Variants in NR4A3 observed in about 807,000 individuals in gnomAD.
NR4A3 encodes the protein chondrosarcoma, extraskeletal myxoid, fused to EWS.
A neutral mutation model predicts 55.6 loss-of-function variants in NR4A3; 13 were observed. That is an observed-to-expected ratio of 0.23 (90% CI 0.15 to 0.37). NR4A3 has a LOEUF of 0.37. NR4A3 is among the 10% of genes least tolerant of loss of function. The pLI is 1.00. For synonymous variants in NR4A3, 342 were observed against 357.9 expected, an observed-to-expected ratio of 0.96 and a Z score of 0.50; for missense variants, 646 against 822.8, an observed-to-expected ratio of 0.79 and a Z score of 2.63.
Position 99,865,639 on chromosome 9 carries a change from A to C in NR4A3, c.*1772A>C, listed in dbSNP as rs1398795362. On this transcript the variant is annotated 3_prime_UTR_variant, in exon 8 of 8. Coordinates refer to ENST00000395097, the MANE Select transcript of NR4A3 (RefSeq NM_006981.4). This position sits in a 1 kb window ranked among gnomAD's most constrained non-coding sequence, Gnocchi z 4.3. ...GTTAGCTTTAAATCATTTTTGCTTT[A>C]GTCTTTTTAAAGGAAAATAACAAAA... 2 of 192,004 alleles carry C rather than the reference A, an allele frequency of 1.0e-5. No homozygotes were observed. Among genetic ancestry groups the C allele is most frequent in the Non-Finnish European group, 2.2e-5 (2 of 91,534 alleles). The allele number at this position is 192,004 out of a possible 1,614,324, so 11.9% of individuals were successfully genotyped here.
Position 99,828,921 on chromosome 9 carries a change from C to T in NR4A3, c.879C>T (p.Ala293=), listed in dbSNP as rs1000332340. The T allele has an allele frequency of 6.8e-7, 1 of 1,473,402 alleles. No individual in the cohort carries two copies. The highest frequency in any genetic ancestry group is 9.0e-7 in the Non-Finnish European group (1 of 1,115,346). The allele number at this position is 1,473,402 out of a possible 1,614,324, so 91.3% of individuals were successfully genotyped here. ...RSSSSGEGTC[A]VCGDNAACQH... is the part of the protein sequence containing the mutation. ...CGTCGTCTGGCGAGGGCACGTGTGC[C>T]GTGTGCGGGGACAACGCCGCCTGCC... is the stretch of plus-strand genomic sequence containing the variant. The change falls in exon 3 of 8, where the codon GCC becomes GCT. Residue 293 remains alanine, a synonymous_variant. Transcript: ENST00000395097. The surrounding 1 kb of genome is among the most constrained non-coding windows in gnomAD (Gnocchi z 7.7).
intron 7 of NR4A3, among the ~76,000 whole-genome samples, chr9:99,860,306 A>C (rs1300040207): frequency 6.6e-6 from 1 of 151,740 alleles, no homozygotes; most frequent in African/African-American, 2.4e-5. Context: ...TTTACTTAAC[A>C]GTTCCCCTAT....
At chr9:99,863,229 G>A (rs998288133) in intron 7 of NR4A3, among the ~76,000 whole-genome samples, 6 of 152,160 alleles carry the variant, frequency 3.9e-5, no homozygotes, top group Non-Finnish European at 2.9e-5. Flanking sequence ...AGCTTAGTAG[G>A]ATAATGTATG....
chr9:99,840,451 C>G (rs1372397194), intron 5 of NR4A3, among the ~76,000 whole-genome samples: 2 of 152,204 alleles, frequency 1.3e-5, no homozygotes, highest in Non-Finnish European at 2.9e-5. Flanking sequence ...GCTGTCAGAT[C>G]CATTCTCAGG....
At chr9:99,842,636 C>T (rs1357995048) in intron 5 of NR4A3, among the ~76,000 whole-genome samples, 1 of 151,994 alleles carries the variant, frequency 6.6e-6, no homozygotes. Context: ...GAGGCTGAGG[C>T]ACGGAATCGC....
chr9:99,845,091 C>T (rs559193352), intron 6 of NR4A3, among the ~76,000 whole-genome samples: 20 of 152,240 alleles, frequency 1.3e-4, no homozygotes, highest in Non-Finnish European at 2.6e-4. Flanking sequence ...ACTTGCCTGA[C>T]GGGAAGTTCA....
chr9:99,828,659 C>T lies in NR4A3; in HGVS notation c.617C>T (p.Ala206Val). ...SPPHPPAPSP[A>V]GGHHLGYDPT... ...CCGCATCCCCCCGCGCCCAGCCCGG[C>T]CGGCGGCCACCACCTCGGCTACGAC... is the stretch of plus-strand genomic sequence containing the variant. The change falls in exon 3 of 8, where the codon GCC (alanine) becomes GTC (valine). Residue 206 changes from alanine (A) to valine (V), a missense_variant. Physicochemically the swap from Ala to Val is moderately conservative, Grantham distance 64. Transcript: ENST00000395097. The surrounding 1 kb of genome is among the most constrained non-coding windows in gnomAD (Gnocchi z 7.7). The T allele has an allele frequency of 7.0e-7, 1 of 1,419,910 alleles. No homozygotes were observed. The highest frequency in any genetic ancestry group is 9.1e-7 in the Non-Finnish European group (1 of 1,094,394). 88.0% of individuals were successfully genotyped at this position (1,419,910 alleles called of 1,614,324 possible).
chr9:99,832,617 A>G, intron 3 of NR4A3, 72 bp from the exon 4 acceptor site: 1 of 1,278,038 alleles, frequency 7.8e-7, no homozygotes, highest in Non-Finnish European at 1.1e-6. Context: ...CATTGTAATT[A>G]AAATACATCT....
chr9:99,826,164 A>T (rs1827292086), intron 2 of NR4A3, among the ~76,000 whole-genome samples: 1 of 152,182 alleles, frequency 6.6e-6, no homozygotes, highest in Non-Finnish European at 1.5e-5. Flanking sequence ...CACATGTAAG[A>T]GTTATGGAAT....
Position 99,865,996 on chromosome 9 carries a change from A to G in NR4A3, c.*2129A>G, listed in dbSNP as rs1828091222. ...GGTCAAACAGCTGGTAACAGAATCA[A>G]GACTAAGACCTAATTTACCTTTCCA... is the stretch of plus-strand genomic sequence containing the variant. On this transcript the variant is annotated 3_prime_UTR_variant, in exon 8 of 8. Transcript: ENST00000395097. The surrounding 1 kb of genome is among the most constrained non-coding windows in gnomAD (Gnocchi z 4.3). 1 of 219,214 alleles carries G rather than the reference A, an allele frequency of 4.6e-6. No homozygotes were observed. Among genetic ancestry groups the G allele is most frequent in the South Asian group, 1.8e-4 (1 of 5,426 alleles). 13.6% of individuals were successfully genotyped at this position (219,214 alleles called of 1,614,324 possible). A position where few individuals can be genotyped will look rare whatever the true frequency, so the allele number is the denominator to read the frequency against.
chr9:99,828,099 G>A lies in NR4A3; in HGVS notation c.57G>A (p.Ala19=), dbSNP rs765144422. 6 of 1,613,902 alleles carry A rather than the reference G, an allele frequency of 3.7e-6. No homozygotes were observed. Among genetic ancestry groups the A allele is most frequent in the Admixed American group, 1.7e-5 (1 of 59,986 alleles). ...SPSPPGSSYA[A]QTYSSEYTTE... ...CCCCTCCAGGTTCCAGTTATGCGGC[G>A]CAGACATACAGCTCGGAATACACCA... Residue 19 remains alanine (A), a synonymous_variant, in exon 3 of 8, where the codon GCG becomes GCA. Transcript: ENST00000395097. The surrounding 1 kb of genome is among the most constrained non-coding windows in gnomAD (Gnocchi z 7.7).
chr9:99,834,161 T>C, intron 5 of NR4A3: 1 of 451,778 alleles, frequency 2.2e-6, no homozygotes, highest in Non-Finnish European at 3.0e-6. Context: ...AACCAAAACA[T>C]ATCAACATTT....
intron 6 of NR4A3, among the ~76,000 whole-genome samples, chr9:99,845,654 T>A (rs1827740928): frequency 6.6e-6 from 1 of 152,192 alleles, no homozygotes; most frequent in Non-Finnish European, 1.5e-5. Context: ...CAATTTCATA[T>A]CACTACCAGA....
chr9:99,830,717 C>G (rs1435714311), intron 3 of NR4A3, among the ~76,000 whole-genome samples: 1 of 152,166 alleles, frequency 6.6e-6, no homozygotes, highest in Non-Finnish European at 1.5e-5. Context: ...AACTGCATTC[C>G]TTTAGCAGAT....
rs1184156860 is a variant in NR4A3, at chr9:99,864,749, C to A, written c.*882C>A. 1.8e-5 allele frequency: 4 copies of A among 223,558 alleles called. No individual in the cohort carries two copies. The East Asian group carries it at 2.6e-4, about 14-fold the overall frequency. 13.8% of individuals were successfully genotyped at this position (223,558 alleles called of 1,614,324 possible). ...TACATGTAACTGTTTTGGTTGTGTT[C>A]TATCAACCCCACCAGAGTTCCCTAA... On this transcript the variant is annotated 3_prime_UTR_variant, in exon 8 of 8. Coordinates refer to ENST00000395097, the MANE Select transcript of NR4A3 (RefSeq NM_006981.4).
chr9:99,845,273 T>C (rs891846436), intron 6 of NR4A3, among the ~76,000 whole-genome samples: 1 of 152,204 alleles, frequency 6.6e-6, no homozygotes, highest in African/African-American at 2.4e-5. Flanking sequence ...TTTAACAAGT[T>C]ACTATTCTAG....
chr9:99,830,815 A>G (rs1827425353), intron 3 of NR4A3, among the ~76,000 whole-genome samples: 1 of 152,260 alleles, frequency 6.6e-6, no homozygotes, highest in African/African-American at 2.4e-5. Context: ...AGAATTATGA[A>G]TAATCTACAA....
intron 6 of NR4A3, among the ~76,000 whole-genome samples, chr9:99,846,781 G>A (rs13283239): frequency 0.011 from 1,747 of 152,240 alleles, 15 homozygotes; most frequent in African/African-American, 0.02. Context: ...CTGAGTAGCT[G>A]GGACTACAGG....
At chr9:99,826,808 G>A (rs1189661282) in intron 2 of NR4A3, 1 of 1,611,718 alleles carries the variant, frequency 6.2e-7, no homozygotes, top group Non-Finnish European at 8.5e-7. Context: ...GTGGGTAAGA[G>A]AAAGATGTCA....
Sources: gnomAD v4.1 joint callset for allele counts (sites outside exome capture counted in the v4.1 genomes callset) on GRCh38, gnomAD v4.1.1 for gene constraint, Gnocchi (gnomAD v3.1) non-coding constraint, MANE v1.5 for transcripts, NCBI Gene and HGNC (gene_info 2026-07-23, HGNC 2026-07-21) for gene names.